Variants in PPARGC1B observed in about 807,000 individuals in gnomAD.
PPARGC1B encodes the protein PPARG coactivator 1 beta.
In PPARGC1B, 34 loss-of-function variants were observed where a neutral mutation model predicts 101.6. The observed-to-expected ratio is 0.33, with a 90% confidence interval of 0.25 to 0.45. The LOEUF is 0.45. PPARGC1B is among the 20% of genes least tolerant of loss of function. The pLI, the probability that PPARGC1B is intolerant of heterozygous loss-of-function variation, is 1.00. For missense variants in PPARGC1B, 1,234 were observed against 1,317.6 expected (o/e 0.94, Z 0.98); for synonymous variants, 548 against 539.3 (o/e 1.02, Z -0.22).
At chr5:149,785,081 C>A (rs1756751127) in intron 1 of PPARGC1B, among the ~76,000 whole-genome samples, 1 of 152,192 alleles carries the variant, frequency 6.6e-6, no homozygotes, top group African/African-American at 2.4e-5. Flanking sequence ...ACAAGGGGTT[C>A]TCTATACTAA....
intron 2 of PPARGC1B, 110 bp from the exon 3 acceptor site, chr5:149,826,563 T>G: frequency 1.2e-6 from 1 of 832,744 alleles, no homozygotes; most frequent in Non-Finnish European, 2.0e-6. Flanking sequence ...AGGGTGTTGG[T>G]GGGCCAGCTG....
chr5:149,808,017 G>T (rs971636967), intron 1 of PPARGC1B, among the ~76,000 whole-genome samples: 5 of 152,030 alleles, frequency 3.3e-5, no homozygotes, highest in Non-Finnish European at 5.9e-5. Context: ...AAAAATAATT[G>T]ATATAAATAT....
Position 149,832,728 on chromosome 5 carries a change from C to T in PPARGC1B, c.655C>T (p.His219Tyr), listed in dbSNP as rs1390346262. The change falls in exon 5 of 12, where the codon CAC (histidine) becomes TAC (tyrosine). Residue 219 changes from histidine (H) to tyrosine (Y), a missense_variant. His to Tyr is a moderately conservative substitution (Grantham distance 83). This residue lies in a region of PPARGC1B where 734 missense variants were observed against 768.4 expected (regional missense o/e 0.96). Coordinates refer to ENST00000309241, the MANE Select transcript of PPARGC1B (RefSeq NM_133263.4). The surrounding 1 kb of genome is among the most constrained non-coding windows in gnomAD (Gnocchi z 4.9). ...QSRSCTELHK[H>Y]LTSAQCCLQD... ...CCGAAGTTGTACAGAACTACATAAGCACCTCACCTCGGCACAGTGCTGCCT... is the reference window on the plus strand; with the variant it reads ...CCGAAGTTGTACAGAACTACATAAGTACCTCACCTCGGCACAGTGCTGCCT... 2 of 1,604,974 alleles carry T rather than the reference C, an allele frequency of 1.2e-6. No individual in the cohort carries two copies. The highest frequency in any genetic ancestry group is 2.7e-5 in the African/African-American group (2 of 74,662).
At chr5:149,733,563 C>T (rs751923163) in intron 1 of PPARGC1B, among the ~76,000 whole-genome samples, 1 of 152,216 alleles carries the variant, frequency 6.6e-6, no homozygotes, top group Non-Finnish European at 1.5e-5. Flanking sequence ...GCCTGCAAGG[C>T]ACCTGTCAGT....
intron 1 of PPARGC1B, among the ~76,000 whole-genome samples, chr5:149,797,147 G>A (rs149047564): frequency 1.3e-3 from 192 of 152,284 alleles, no homozygotes; most frequent in African/African-American, 4.4e-3. Flanking sequence ...TCCTATTGGC[G>A]CATAGGTGGA....
intron 1 of PPARGC1B, among the ~76,000 whole-genome samples, chr5:149,757,464 G>A (rs572261400): frequency 6.6e-6 from 1 of 152,212 alleles, no homozygotes; most frequent in South Asian, 2.1e-4. Context: ...TGAGGCCATC[G>A]CTTGAGCTAC....
At chr5:149,808,540 A>C (rs1259273989) in intron 1 of PPARGC1B, among the ~76,000 whole-genome samples, 1 of 152,086 alleles carries the variant, frequency 6.6e-6, no homozygotes, top group African/African-American at 2.4e-5. Flanking sequence ...GACCTTGTAG[A>C]GGGGCCTGGA....
At chr5:149,803,482 A>G (rs1757497323) in intron 1 of PPARGC1B, among the ~76,000 whole-genome samples, 1 of 152,188 alleles carries the variant, frequency 6.6e-6, no homozygotes, top group Admixed American at 6.5e-5. Flanking sequence ...GAAACCTAGT[A>G]GGGCAGGAAA....
intron 1 of PPARGC1B, among the ~76,000 whole-genome samples, chr5:149,774,531 C>T (rs1016698474): frequency 8.5e-5 from 13 of 152,136 alleles, no homozygotes; most frequent in Admixed American, 3.3e-4. Flanking sequence ...TAATCACATC[C>T]GAGCATTAGC....
At chr5:149,790,766 C>G (rs1256070802) in intron 1 of PPARGC1B, among the ~76,000 whole-genome samples, 5 of 152,092 alleles carry the variant, frequency 3.3e-5, no homozygotes, top group Non-Finnish European at 7.3e-5. Flanking sequence ...CCGGGCAATC[C>G]ACTCTGGAGT....
rs1561607367 is a variant in PPARGC1B, at chr5:149,832,723, A to G, written c.650A>G (p.His217Arg). 1.2e-6 allele frequency: 2 copies of G among 1,603,694 alleles called. No homozygotes were observed. The highest frequency in any genetic ancestry group is 1.1e-5 in the South Asian group (1 of 89,936). ...QSQSRSCTELHKHLTSAQCCL... is the reference protein window; with the variant it reads ...QSQSRSCTELRKHLTSAQCCL... Reference sequence around the variant, plus strand: ...CAGAGCCGAAGTTGTACAGAACTACATAAGCACCTCACCTCGGCACAGTGC... The same window carrying G: ...CAGAGCCGAAGTTGTACAGAACTACGTAAGCACCTCACCTCGGCACAGTGC... Residue 217 changes from histidine (H) to arginine (R), a missense_variant, in exon 5 of 12, where the codon CAT becomes CGT. Physicochemically the swap from His to Arg is conservative, Grantham distance 29. Coordinates refer to ENST00000309241, the MANE Select transcript of PPARGC1B (RefSeq NM_133263.4). This position sits in a 1 kb window ranked among gnomAD's most constrained non-coding sequence, Gnocchi z 4.9.
At chr5:149,808,948 G>T (rs898015254) in intron 1 of PPARGC1B, among the ~76,000 whole-genome samples, 9 of 152,078 alleles carry the variant, frequency 5.9e-5, no homozygotes, top group Non-Finnish European at 1.0e-4. Context: ...AGCAATGTGG[G>T]TGTACTTAAT....
intron 1 of PPARGC1B, among the ~76,000 whole-genome samples, chr5:149,753,730 G>A (rs890355498): frequency 6.6e-6 from 1 of 151,900 alleles, no homozygotes; most frequent in Non-Finnish European, 1.5e-5. Flanking sequence ...GTCTTGCTTT[G>A]TCGCCCAGGT....
At chr5:149,763,675 T>C (rs903979549) in intron 1 of PPARGC1B, among the ~76,000 whole-genome samples, 4 of 151,682 alleles carry the variant, frequency 2.6e-5, no homozygotes, top group African/African-American at 9.7e-5. Flanking sequence ...GGACTATAGG[T>C]GCGTGCCACT....
chr5:149,740,900 G>C lies in PPARGC1B; in HGVS notation c.78+10480G>C, dbSNP rs77182715. ...ATAAAACACACAAATGTCAATTTGA[G>C]CTTTCTGGGAGTTGGGAGTGCCTTA... On this transcript the variant is annotated intron_variant, in intron 1 of 11. Transcript: ENST00000309241. Among the ~76,000 whole-genome samples, 123 of 152,326 alleles carry C rather than the reference G, an allele frequency of 8.1e-4. No homozygotes were observed. In the East Asian group the frequency reaches 0.019, roughly 24 times the overall value.
intron 1 of PPARGC1B, among the ~76,000 whole-genome samples, chr5:149,778,652 G>A (rs1325736462): frequency 6.6e-6 from 1 of 152,056 alleles, no homozygotes; most frequent in Non-Finnish European, 1.5e-5. Flanking sequence ...GGCGTCGTGG[G>A]CCCTCATAGA....
At position 149,852,743 on chromosome 5, in the gene PPARGC1B, G is replaced by A. The variant is rs1759811853; in HGVS notation, c.*5185G>A. On this transcript the variant is annotated 3_prime_UTR_variant, in exon 12 of 12. Coordinates refer to ENST00000309241, the MANE Select transcript of PPARGC1B (RefSeq NM_133263.4). ...TTTTTTTTAAAGAAAAACAGCTTAG[G>A]AGCTTTTCACACATTTCTTTCAAAT... The A allele has an allele frequency of 6.7e-6, 1 of 149,480 alleles. No homozygotes were observed. The highest frequency in any genetic ancestry group is 1.5e-5 in the Non-Finnish European group (1 of 67,700). 9.3% of individuals were successfully genotyped at this position (149,480 alleles called of 1,614,324 possible). A position where few individuals can be genotyped will look rare whatever the true frequency, so the allele number is the denominator to read the frequency against.
intron 8 of PPARGC1B, among the ~76,000 whole-genome samples, chr5:149,838,914 C>T (rs1759220554): frequency 6.6e-6 from 1 of 152,234 alleles, no homozygotes; most frequent in Non-Finnish European, 1.5e-5. Context: ...AAATCTTGAA[C>T]TCCACGATAC....
chr5:149,743,155 C>CT (rs1181226228), intron 1 of PPARGC1B, among the ~76,000 whole-genome samples: 1,925 of 134,352 alleles, frequency 0.014, 36 homozygotes, highest in African/African-American at 0.036. Flanking sequence ...TGTGTTTATT[C>CT]TTTTTTTTTT....
Sources: gnomAD v4.1 joint callset for allele counts (sites outside exome capture counted in the v4.1 genomes callset) on GRCh38, gnomAD v4.1.1 for gene constraint, gnomAD v4.1.1 regional missense constraint, Gnocchi (gnomAD v3.1) non-coding constraint, MANE v1.5 for transcripts, NCBI Gene and HGNC (gene_info 2026-07-23, HGNC 2026-07-21) for gene names.